The following BRIP1 variants were observed in gnomAD, a reference collection of about 807,000 sequenced individuals.
The protein encoded by BRIP1 is BRCA1 interacting DNA helicase 1.
BRIP1 carries 88 observed loss-of-function variants against 119.7 expected under a neutral mutation model. The ratio of observed to expected loss-of-function variants is 0.74; its 90% CI spans 0.62 to 0.88. BRIP1 has a LOEUF of 0.88. Ranked by LOEUF, BRIP1 falls within the 40% of genes least tolerant of loss-of-function variation. BRIP1 has a pLI of 0.00. For missense variants in BRIP1, 1,259 were observed against 1,455.4 expected (o/e 0.87, Z 2.20); for synonymous variants, 443 against 496.5 (o/e 0.89, Z 1.43).
chr17:61,775,268 G>C lies in BRIP1; in HGVS notation c.2097+1133C>G, dbSNP rs117745954. Among the ~76,000 whole-genome samples the C allele has an allele frequency of 1.2e-3, 188 of 152,150 alleles. 1 individual carries two copies. Among genetic ancestry groups the C allele is most frequent in the Non-Finnish European group, 2.4e-3 (166 of 67,968 alleles). On this transcript the variant is annotated intron_variant, in intron 14 of 19. Coordinates refer to ENST00000259008, the MANE Select transcript of BRIP1 (RefSeq NM_032043.3). This position sits in a 1 kb window ranked among gnomAD's most constrained non-coding sequence, Gnocchi z 4.4. Reference sequence around the variant, plus strand: ...AATGTTTATGTCCGTTTTATTTTTAGATATTCTTGTAAAAAATTATCTGAT... The same window carrying C: ...AATGTTTATGTCCGTTTTATTTTTACATATTCTTGTAAAAAATTATCTGAT...
At chr17:61,718,012 A>G (rs2061909637) in intron 16 of BRIP1, among the ~76,000 whole-genome samples, 1 of 152,174 alleles carries the variant, frequency 6.6e-6, no homozygotes, top group Admixed American at 6.5e-5. Context: ...TCTTTTCAGT[A>G]TGCTTATGTT....
rs567177916 is a variant in BRIP1 at position 61,821,561 on chromosome 17, A to C, written c.628-12804T>G. Among the ~76,000 whole-genome samples the C allele has an allele frequency of 1.5e-4, 22 of 148,096 alleles. No homozygotes were observed. In the South Asian group the frequency reaches 3.2e-3, roughly 22 times the overall value. On this transcript the variant is annotated intron_variant, in intron 6 of 19. Coordinates refer to ENST00000259008, the MANE Select transcript of BRIP1 (RefSeq NM_032043.3). ...TATTTTTTTTTACAGACAGGGTCTCATTCTGTTGCCCAGGCTGGAGTACAG... is the reference window on the plus strand; with the variant it reads ...TATTTTTTTTTACAGACAGGGTCTCCTTCTGTTGCCCAGGCTGGAGTACAG...
chr17:61,800,934 T>A (rs529225567), intron 8 of BRIP1, among the ~76,000 whole-genome samples: 2 of 152,314 alleles, frequency 1.3e-5, no homozygotes, highest in African/African-American at 2.4e-5. Flanking sequence ...TTCCCCCACA[T>A]AAGTTCTTCA....
chr17:61,822,996 T>C lies in BRIP1; in HGVS notation c.628-14239A>G, dbSNP rs12453644. Reference sequence around the variant, plus strand: ...TGGTGACTGCTTCTCCTACTCCAGATTCACTGAGTAACAAGGAGAATCTGA... The same window carrying C: ...TGGTGACTGCTTCTCCTACTCCAGACTCACTGAGTAACAAGGAGAATCTGA... On this transcript the variant is annotated intron_variant, in intron 6 of 19. Coordinates refer to ENST00000259008, the MANE Select transcript of BRIP1 (RefSeq NM_032043.3). The surrounding 1 kb of genome is among the most constrained non-coding windows in gnomAD (Gnocchi z 4.4). Among the ~76,000 whole-genome samples the C allele has an allele frequency of 0.14, 21,428 of 152,096 alleles. 2,073 individuals are homozygous for C. Among genetic ancestry groups the C allele is most frequent in the East Asian group, 0.57 (2,919 of 5,150 alleles).
In BRIP1 at chr17:61,768,403, G is replaced by C. The variant is rs775294920; in HGVS notation, c.2097+7998C>G. On this transcript the variant is annotated intron_variant, in intron 14 of 19. Coordinates refer to ENST00000259008, the MANE Select transcript of BRIP1 (RefSeq NM_032043.3). The surrounding 1 kb of genome is among the most constrained non-coding windows in gnomAD (Gnocchi z 5.0). ...TCTACGGGAAATCACAGGAATTTTA[G>C]TTTGCAGTTCTAAAATACCTCTAAC... Among the ~76,000 whole-genome samples, 2 of 152,106 alleles carry C rather than the reference G, an allele frequency of 1.3e-5. No individual in the cohort carries two copies. Among genetic ancestry groups the C allele is most frequent in the Non-Finnish European group, 2.9e-5 (2 of 68,008 alleles).
rs929525436 is a variant in BRIP1, at chr17:61,681,432, T to C, written c.*1864A>G. 2.4e-5 allele frequency: 5 copies of C among 210,516 alleles called. No individual in the cohort carries two copies. The highest frequency in any genetic ancestry group is 3.9e-5 in the Non-Finnish European group (4 of 103,678). The allele number at this position is 210,516 out of a possible 1,614,324, so 13.0% of individuals were successfully genotyped here. On this transcript the variant is annotated 3_prime_UTR_variant, in exon 20 of 20. Coordinates refer to ENST00000259008, the MANE Select transcript of BRIP1 (RefSeq NM_032043.3). The surrounding 1 kb of genome is among the most constrained non-coding windows in gnomAD (Gnocchi z 5.1). The stretch of plus-strand genomic sequence containing the variant: ...CGCTGCATTTTACAGATGAAACTAA[T>C]TCCCTGAAGGGTGTGGTGATTGCCA...
rs1336140423 is a variant in BRIP1 at position 61,761,753 on chromosome 17, A to G, written c.2097+14648T>C. The stretch of plus-strand genomic sequence containing the variant: ...GAAATCTATAAAATGTTGATGAGAG[A>G]AATTGTAGAAGATACAAGTAAATAG... On this transcript the variant is annotated intron_variant, in intron 14 of 19. Coordinates refer to ENST00000259008, the MANE Select transcript of BRIP1 (RefSeq NM_032043.3). This position sits in a 1 kb window ranked among gnomAD's most constrained non-coding sequence, Gnocchi z 6.4. 6.6e-6 allele frequency among the ~76,000 whole-genome samples: 1 copy of G among 152,096 alleles called. No homozygotes were observed. The highest frequency in any genetic ancestry group is 1.5e-5 in the Non-Finnish European group (1 of 67,982).
rs935256766 is a variant in BRIP1 at position 61,780,661 on chromosome 17, A to G, written c.1794+179T>C. Among the ~76,000 whole-genome samples the G allele has an allele frequency of 1.3e-5, 2 of 152,010 alleles. No homozygotes were observed. The highest frequency in any genetic ancestry group is 4.8e-5 in the African/African-American group (2 of 41,414). ...GAGGATCGCTTGAGCCTGGAAGGTC[A>G]AGGCTACAGTGAGCTGAGATTGCAC... On this transcript the variant is annotated intron_variant, in intron 12 of 19. Coordinates refer to ENST00000259008, the MANE Select transcript of BRIP1 (RefSeq NM_032043.3). This position sits in a 1 kb window ranked among gnomAD's most constrained non-coding sequence, Gnocchi z 5.4.
At position 61,841,622 on chromosome 17, in the gene BRIP1, C is replaced by T. The variant is rs538663498; in HGVS notation, c.627+5479G>A. Among the ~76,000 whole-genome samples the T allele has an allele frequency of 1.8e-3, 268 of 152,166 alleles. No homozygotes were observed. Among genetic ancestry groups the T allele is most frequent in the African/African-American group, 6.1e-3 (253 of 41,496 alleles). ...GAAATGTAAATTAGTACAGACATTA[C>T]GGAAAACAGCAATGGAGGCTTCTCA... On this transcript the variant is annotated intron_variant, in intron 6 of 19. Transcript: ENST00000259008. The surrounding 1 kb of genome is among the most constrained non-coding windows in gnomAD (Gnocchi z 4.1).
rs2077185697 is a variant in BRIP1 at position 61,755,288 on chromosome 17, AGTGGCCCACACCT to A, written c.2098-10710_2098-10698del. On this transcript the variant is annotated intron_variant, in intron 14 of 19. Coordinates refer to ENST00000259008, the MANE Select transcript of BRIP1 (RefSeq NM_032043.3). The surrounding 1 kb of genome is among the most constrained non-coding windows in gnomAD (Gnocchi z 4.5). ...AATAAAAGAAGAGTTGGCTGGGTGC[AGTGGCCCACACCT>A]GTAATCCCAGCACTTTGAGATGCTG... Among the ~76,000 whole-genome samples the A allele has an allele frequency of 6.6e-6, 1 of 152,154 alleles. No individual in the cohort carries two copies. Among genetic ancestry groups the A allele is most frequent in the African/African-American group, 2.4e-5 (1 of 41,428 alleles).
intron 10 of BRIP1, among the ~76,000 whole-genome samples, chr17:61,786,412 G>C (rs889525411): frequency 2.0e-5 from 3 of 151,702 alleles, no homozygotes; most frequent in African/African-American, 7.3e-5. Flanking sequence ...GTGAGAATTG[G>C]GATTGAGGAG....
In BRIP1 at chr17:61,757,728, G is replaced by A. The variant is rs539651695; in HGVS notation, c.2098-13137C>T. Reference sequence around the variant, plus strand: ...AAAGAAAACAATAAAAGCCAGACGCGGTGGCTCACACCTGTAATCCCAGCA... The same window carrying A: ...AAAGAAAACAATAAAAGCCAGACGCAGTGGCTCACACCTGTAATCCCAGCA... On this transcript the variant is annotated intron_variant, in intron 14 of 19. Transcript: ENST00000259008. This position sits in a 1 kb window ranked among gnomAD's most constrained non-coding sequence, Gnocchi z 4.3. 7.9e-5 allele frequency among the ~76,000 whole-genome samples: 12 copies of A among 151,980 alleles called. No individual in the cohort carries two copies. The highest frequency in any genetic ancestry group is 3.9e-4 in the Admixed American group (6 of 15,254).
chr17:61,815,080 T>C lies in BRIP1; in HGVS notation c.628-6323A>G, dbSNP rs2078216751. Among the ~76,000 whole-genome samples the C allele has an allele frequency of 6.8e-6, 1 of 147,118 alleles. No individual in the cohort carries two copies. Among genetic ancestry groups the C allele is most frequent in the Non-Finnish European group, 1.5e-5 (1 of 67,012 alleles). Reference sequence around the variant, plus strand: ...TAATCTTAAAAGCTAACAATTGTCATGAAAAACATACCTGAAAAATGCTAG... The same window carrying C: ...TAATCTTAAAAGCTAACAATTGTCACGAAAAACATACCTGAAAAATGCTAG... On this transcript the variant is annotated intron_variant, in intron 6 of 19. Coordinates refer to ENST00000259008, the MANE Select transcript of BRIP1 (RefSeq NM_032043.3). This position sits in a 1 kb window ranked among gnomAD's most constrained non-coding sequence, Gnocchi z 4.1.
At chr17:61,721,692 C>CT (rs71150632) in intron 16 of BRIP1, among the ~76,000 whole-genome samples, 7,079 of 73,966 alleles carry the variant, frequency 0.096, 62 homozygotes, top group African/African-American at 0.13. Context: ...TAGACTTTGC[C>CT]TTTTTTTTTT....
At chr17:61,715,929 T>C (rs1236090073) in intron 17 of BRIP1, 22 bp downstream of exon 17, 2 of 1,403,922 alleles carry the variant, frequency 1.4e-6, no homozygotes, top group African/African-American at 2.8e-5. Context: ...GATAATATTA[T>C]ATTAAATTTC....
rs1482597076 is a variant in BRIP1 at position 61,808,841 on chromosome 17, A to G, written c.628-84T>C. ...AACCTCACATGGAATCAGAACCTGT[A>G]AGTAATGAATCACAATGGTCAAATA... On this transcript the variant is annotated intron_variant, in intron 6 of 19. Coordinates refer to ENST00000259008, the MANE Select transcript of BRIP1 (RefSeq NM_032043.3). The surrounding 1 kb of genome is among the most constrained non-coding windows in gnomAD (Gnocchi z 4.1). 7 of 1,330,836 alleles carry G rather than the reference A, an allele frequency of 5.3e-6. No homozygotes were observed. Among genetic ancestry groups the G allele is most frequent in the Non-Finnish European group, 7.4e-6 (7 of 944,402 alleles). The allele number at this position is 1,330,836 out of a possible 1,614,324, so 82.4% of individuals were successfully genotyped here. A position where few individuals can be genotyped will look rare whatever the true frequency, so the allele number is the denominator to read the frequency against.
In BRIP1 at chr17:61,834,947, G is replaced by A. The variant is rs73332531; in HGVS notation, c.627+12154C>T. On this transcript the variant is annotated intron_variant, in intron 6 of 19. Transcript: ENST00000259008. The surrounding 1 kb of genome is among the most constrained non-coding windows in gnomAD (Gnocchi z 4.4). ...CCCCACAACAGTAAGCTAAATAAAT[G>A]GTTGGTTTGTTACAGCAACAGATAA... 3.9e-5 allele frequency among the ~76,000 whole-genome samples: 6 copies of A among 152,212 alleles called. No homozygotes were observed. Among genetic ancestry groups the A allele is most frequent in the Non-Finnish European group, 7.3e-5 (5 of 68,040 alleles).
In BRIP1 at chr17:61,681,721, A is replaced by G; in HGVS notation, c.*1575T>C. 5.0e-6 allele frequency: 1 copy of G among 198,110 alleles called. No individual in the cohort carries two copies. Among genetic ancestry groups the G allele is most frequent in the Non-Finnish European group, 1.0e-5 (1 of 95,550 alleles). 12.3% of individuals were successfully genotyped at this position (198,110 alleles called of 1,614,324 possible). ...TATATTCTAAATTCTTTAACTGGTA[A>G]CTTGTCAATTTAAATGTCTTTGAAC... On this transcript the variant is annotated 3_prime_UTR_variant, in exon 20 of 20. Transcript: ENST00000259008. This position sits in a 1 kb window ranked among gnomAD's most constrained non-coding sequence, Gnocchi z 5.1.
At chr17:61,826,324 C>T (rs1009981065) in intron 6 of BRIP1, among the ~76,000 whole-genome samples, 1 of 152,088 alleles carries the variant, frequency 6.6e-6, no homozygotes, top group African/African-American at 2.4e-5. Context: ...CCATTCTGGA[C>T]ATAGGAACAG....
Sources: gnomAD v4.1 joint callset for allele counts (sites outside exome capture counted in the v4.1 genomes callset) on GRCh38, gnomAD v4.1.1 for gene constraint, Gnocchi (gnomAD v3.1) non-coding constraint, MANE v1.5 for transcripts, NCBI Gene and HGNC (gene_info 2026-07-23, HGNC 2026-07-21) for gene names.